The following BMP2K variants were observed in gnomAD, a reference collection of about 807,000 sequenced individuals.
BMP2K encodes the protein BMP2 inducible kinase.
In BMP2K, 74 loss-of-function variants were observed where a neutral mutation model predicts 116.0. That is an observed-to-expected ratio of 0.64 (90% CI 0.53 to 0.77). BMP2K has a LOEUF of 0.77. Among genes scored for constraint, BMP2K ranks in the 30% least tolerant of loss-of-function variants. The pLI is 0.00. For missense variants in BMP2K, 1,365 were observed against 1,403.6 expected, an observed-to-expected ratio of 0.97 and a Z score of 0.44; for synonymous variants, 486 against 502.5, an observed-to-expected ratio of 0.97 and a Z score of 0.44.
intron 15 of BMP2K, among the ~76,000 whole-genome samples, chr4:78,891,255 GTTTCTTCTTCTTCCTCTT>G (rs1230810087): frequency 3.3e-5 from 5 of 151,960 alleles, no homozygotes; most frequent in Non-Finnish European, 7.4e-5. Flanking sequence ...ACTGTGGTAG[GTTTCTTCTTCTTCCTCTT>G]TTTCTTATTC....
intron 2 of BMP2K, 21 bp downstream of exon 2, chr4:78,826,176 C>A: frequency 1.3e-6 from 2 of 1,573,234 alleles, no homozygotes; most frequent in Non-Finnish European, 8.7e-7. Flanking sequence ...GAGTAGTTCT[C>A]TTTCAGAAAT....
At chr4:78,882,101 CATGGTTA>C (rs1412478706) in intron 14 of BMP2K, among the ~76,000 whole-genome samples, 1 of 151,760 alleles carries the variant, frequency 6.6e-6, no homozygotes, top group African/African-American at 2.4e-5. Flanking sequence ...GAATATGATT[CATGGTTA>C]TTTTTTTAAA....
At chr4:78,904,283 C>T (rs1734174061) in intron 15 of BMP2K, among the ~76,000 whole-genome samples, 1 of 151,396 alleles carries the variant, frequency 6.6e-6, no homozygotes, top group African/African-American at 2.4e-5. Context: ...CATTTTTTGC[C>T]CTAAAATGTT....
At chr4:78,847,151 T>C in intron 5 of BMP2K, 37 bp from the exon 6 acceptor site, 1 of 1,127,732 alleles carries the variant, frequency 8.9e-7, no homozygotes, top group Non-Finnish European at 1.2e-6. Flanking sequence ...TATATATATA[T>C]ATATATCTCC....
intron 15 of BMP2K, among the ~76,000 whole-genome samples, chr4:78,904,571 C>T (rs1263808346): frequency 2.0e-5 from 3 of 151,914 alleles, no homozygotes; most frequent in Non-Finnish European, 2.9e-5. Flanking sequence ...TTGTCTTAGT[C>T]ACTCACCTTA....
rs1008441799 is a variant in BMP2K at position 78,776,524 on chromosome 4, T to C, written c.-20T>C. 3 of 1,133,220 alleles carry C rather than the reference T, an allele frequency of 2.6e-6. No individual in the cohort carries two copies. The highest frequency in any genetic ancestry group is 3.3e-6 in the Non-Finnish European group (3 of 922,158). The allele number at this position is 1,133,220 out of a possible 1,614,324, so 70.2% of individuals were successfully genotyped here. A position where few individuals can be genotyped will look rare whatever the true frequency, so the allele number is the denominator to read the frequency against. ...TTGCCCTTGCACGCTCCCTGCGCCC[T>C]CCAGCTCGCCGGCGGGACCATGAAG... On this transcript the variant is annotated 5_prime_UTR_variant, in exon 1 of 16. Transcript: ENST00000502613.
At chr4:78,905,265 T>C (rs1456519773) in intron 15 of BMP2K, among the ~76,000 whole-genome samples, 2 of 151,964 alleles carry the variant, frequency 1.3e-5, no homozygotes, top group African/African-American at 4.8e-5. Context: ...GTGTCAGTAA[T>C]TAACATGCAA....
intron 2 of BMP2K, among the ~76,000 whole-genome samples, chr4:78,831,106 G>A (rs1730185188): frequency 6.6e-6 from 1 of 152,182 alleles, no homozygotes; most frequent in South Asian, 2.1e-4. Context: ...GTATTGTTGT[G>A]TTTTATGACA....
Position 78,912,164 on chromosome 4 carries a change from A to T in BMP2K, c.*131A>T. On this transcript the variant is annotated 3_prime_UTR_variant, in exon 16 of 16. Transcript: ENST00000502613. ...AGATCAGTCAGAATAGGTGATTTCT[A>T]AATAAACCAAATAGAAGAATGAAGT... 2 of 791,022 alleles carry T rather than the reference A, an allele frequency of 2.5e-6. No individual in the cohort carries two copies. Among genetic ancestry groups the T allele is most frequent in the Non-Finnish European group, 4.1e-6 (2 of 489,936 alleles). The allele number at this position is 791,022 out of a possible 1,614,324, so 49.0% of individuals were successfully genotyped here.
intron 15 of BMP2K, among the ~76,000 whole-genome samples, chr4:78,890,493 A>G (rs1343104457): frequency 1.3e-5 from 2 of 152,206 alleles, no homozygotes; most frequent in East Asian, 3.9e-4. Context: ...TTCAGTGTCT[A>G]CATTTTTTTA....
chr4:78,823,563 T>C (rs987057553), intron 1 of BMP2K, among the ~76,000 whole-genome samples: 1 of 145,952 alleles, frequency 6.9e-6, no homozygotes, highest in Non-Finnish European at 1.5e-5. Flanking sequence ...TATATAGTTA[T>C]ATAGTTATAT....
At chr4:78,898,416 A>T (rs893921202) in intron 15 of BMP2K, among the ~76,000 whole-genome samples, 1 of 151,850 alleles carries the variant, frequency 6.6e-6, no homozygotes, top group Non-Finnish European at 1.5e-5. Flanking sequence ...GAACTTCAGG[A>T]TGTTAGCAAT....
rs1577996232 is a variant in BMP2K at position 78,915,285 on chromosome 4, T to C, written c.*3252T>C. 1 of 152,034 alleles carries C rather than the reference T, an allele frequency of 6.6e-6. No individual in the cohort carries two copies. The highest frequency in any genetic ancestry group is 2.4e-5 in the African/African-American group (1 of 41,430). The allele number at this position is 152,034 out of a possible 1,614,324, so 9.4% of individuals were successfully genotyped here. On this transcript the variant is annotated 3_prime_UTR_variant, in exon 16 of 16. Coordinates refer to ENST00000502613, the MANE Select transcript of BMP2K (RefSeq NM_198892.2). ...ATCTAAGGTGGAGCCCACTCTTCTA[T>C]GCTGAAGTTCACCAGGCAGAGCAGT...
chr4:78,817,776 T>TCTAA (rs963570706), intron 1 of BMP2K, among the ~76,000 whole-genome samples: 138 of 152,284 alleles, frequency 9.1e-4, no homozygotes, highest in African/African-American at 3.1e-3. Flanking sequence ...ATCTAATCTG[T>TCTAA]CTAACCTCTA....
Position 78,872,303 on chromosome 4 carries a change from C to CTTTTT in BMP2K, c.1609-289_1609-285dup, listed in dbSNP as rs34599936. ...TATTTTCTTCAGAGAATAATTTGAC[C>CTTTTT]TTTTTTTTTTTTTTTTTTTTTTTTT... On this transcript the variant is annotated intron_variant, in intron 12 of 15. Coordinates refer to ENST00000502613, the MANE Select transcript of BMP2K (RefSeq NM_198892.2). 464 of 92,300 alleles carry CTTTTT rather than the reference C, an allele frequency of 5.0e-3. 53 individuals carry two copies. The highest frequency in any genetic ancestry group is 0.011 in the South Asian group (22 of 1,994). 5.7% of individuals were successfully genotyped at this position (92,300 alleles called of 1,614,324 possible).
chr4:78,845,210 G>A (rs936191331), intron 5 of BMP2K, among the ~76,000 whole-genome samples, 161 bp downstream of exon 5: 2 of 151,538 alleles, frequency 1.3e-5, no homozygotes, highest in Non-Finnish European at 3.0e-5. Flanking sequence ...ATCTAGCTCA[G>A]TAGGAAATAT....
intron 1 of BMP2K, among the ~76,000 whole-genome samples, chr4:78,796,909 A>G (rs951936438): frequency 1.3e-5 from 2 of 152,184 alleles, no homozygotes; most frequent in Admixed American, 6.5e-5. Flanking sequence ...AAGTGGATAT[A>G]AAGTAGGGGA....
chr4:78,829,702 C>T (rs1483007328), intron 2 of BMP2K, among the ~76,000 whole-genome samples: 2 of 151,932 alleles, frequency 1.3e-5, no homozygotes, highest in East Asian at 3.9e-4. Context: ...TAAAATTACT[C>T]CTTGACTCAT....
intron 4 of BMP2K, among the ~76,000 whole-genome samples, chr4:78,844,225 C>G (rs908374960): frequency 6.6e-6 from 1 of 151,610 alleles, no homozygotes; most frequent in Non-Finnish European, 1.5e-5. Context: ...TAATTGTCCC[C>G]ATTTTACGTA....
Sources: gnomAD v4.1 joint callset for allele counts (sites outside exome capture counted in the v4.1 genomes callset) on GRCh38, gnomAD v4.1.1 for gene constraint, MANE v1.5 for transcripts, NCBI Gene and HGNC (gene_info 2026-07-23, HGNC 2026-07-21) for gene names.